ENOX1: variants seen among roughly 807,000 people sequenced by gnomAD.
ENOX1 encodes candidate growth-related and time keeping constitutive hydroquinone (NADH) oxidase.
ENOX1 carries 42 observed loss-of-function variants against 82.5 expected under a neutral mutation model. The ratio of observed to expected loss-of-function variants is 0.51; its 90% CI spans 0.40 to 0.66. The LOEUF is 0.66. ENOX1 is among the 30% of genes least tolerant of loss of function. The pLI is 0.00. For missense variants in ENOX1, 608 were observed against 811.6 expected (o/e 0.75, Z 3.05); for synonymous variants, 271 against 282.2 (o/e 0.96, Z 0.40).
chr13:43,244,282 G>C (rs574252756), intron 14 of ENOX1, among the ~76,000 whole-genome samples: 1 of 151,986 alleles, frequency 6.6e-6, no homozygotes, highest in East Asian at 1.9e-4. Context: ...AAATTTCTAG[G>C]AATAGATTGT....
intron 14 of ENOX1, among the ~76,000 whole-genome samples, chr13:43,245,776 T>C (rs1230014645): frequency 1.3e-5 from 2 of 152,196 alleles, no homozygotes; most frequent in Non-Finnish European, 2.9e-5. Flanking sequence ...TGAAAGCAGA[T>C]GTGTGGGGCT....
At chr13:43,622,184 A>G (rs9567237) in intron 2 of ENOX1, among the ~76,000 whole-genome samples, 110,965 of 152,072 alleles carry the variant, frequency 0.73, 40,660 homozygotes, top group East Asian at 0.95. Flanking sequence ...ATTGGGCTTC[A>G]CCTTTCTCTG....
At chr13:43,371,266 A>C (rs1162036601) in intron 5 of ENOX1, among the ~76,000 whole-genome samples, 4 of 152,226 alleles carry the variant, frequency 2.6e-5, no homozygotes, top group Admixed American at 6.5e-5. Flanking sequence ...ATTTTTGAAC[A>C]TTCAGTCAAG....
chr13:43,380,173 C>A (rs2051933710), intron 5 of ENOX1, among the ~76,000 whole-genome samples: 1 of 151,486 alleles, frequency 6.6e-6, no homozygotes. Context: ...AAAAGGAATT[C>A]CTCTAGGCAG....
rs80241483 is a variant in ENOX1 at position 43,718,986 on chromosome 13, A to T, written c.-284-51442T>A. Among the ~76,000 whole-genome samples, 288 of 152,290 alleles carry T rather than the reference A, an allele frequency of 1.9e-3. 2 individuals are homozygous for T. The highest frequency in any genetic ancestry group is 3.5e-3 in the Non-Finnish European group (237 of 68,026). On this transcript the variant is annotated intron_variant, in intron 1 of 16. Coordinates refer to ENST00000690772, the MANE Select transcript of ENOX1 (RefSeq NM_001347969.2). ...CAAGAAATATTCCATACATAGGAAAAAATTATCGTCATCCTGTAATTTATT... is the reference window on the plus strand; with the variant it reads ...CAAGAAATATTCCATACATAGGAAATAATTATCGTCATCCTGTAATTTATT...
At chr13:43,753,113 A>G (rs7330887) in intron 1 of ENOX1, among the ~76,000 whole-genome samples, 15,592 of 151,554 alleles carry the variant, frequency 0.1, 1,397 homozygotes, top group African/African-American at 0.24. Flanking sequence ...ACCCACCTCA[A>G]CCTCTCAAAC....
At chr13:43,653,102 G>A (rs776258595) in intron 2 of ENOX1, among the ~76,000 whole-genome samples, 1 of 152,216 alleles carries the variant, frequency 6.6e-6, no homozygotes, top group African/African-American at 2.4e-5. Context: ...CGCAGCACAG[G>A]CAGGTCTTCT....
At chr13:43,264,493 CAAT>C (rs777776077) in intron 14 of ENOX1, among the ~76,000 whole-genome samples, 1 of 152,138 alleles carries the variant, frequency 6.6e-6, no homozygotes, top group Non-Finnish European at 1.5e-5. Flanking sequence ...TGGGTAGGAA[CAAT>C]AATGATTAAG....
At chr13:43,353,649 CT>C (rs2049953983) in intron 8 of ENOX1, among the ~76,000 whole-genome samples, 1 of 152,208 alleles carries the variant, frequency 6.6e-6, no homozygotes, top group Admixed American at 6.5e-5. Flanking sequence ...CAATTAAATG[CT>C]GTTTATATTC....
chr13:43,257,515 G>T (rs1383792941), intron 14 of ENOX1, among the ~76,000 whole-genome samples: 1 of 152,128 alleles, frequency 6.6e-6, no homozygotes, highest in Non-Finnish European at 1.5e-5. Flanking sequence ...TTGTCCATAT[G>T]ATATGCTATA....
At chr13:43,619,830 T>A (rs2153745256) in intron 2 of ENOX1, among the ~76,000 whole-genome samples, 1 of 152,234 alleles carries the variant, frequency 6.6e-6, no homozygotes, top group South Asian at 2.1e-4. Context: ...GGATTGGGTA[T>A]CAATTCTTCT....
At chr13:43,294,934 G>A (rs756199208) in intron 12 of ENOX1, among the ~76,000 whole-genome samples, 1 of 152,182 alleles carries the variant, frequency 6.6e-6, no homozygotes, top group Non-Finnish European at 1.5e-5. Context: ...AGCTATAAGG[G>A]TAGAAAACAG....
chr13:43,772,200 T>C (rs1434656011), intron 1 of ENOX1, among the ~76,000 whole-genome samples: 1 of 152,158 alleles, frequency 6.6e-6, no homozygotes, highest in Non-Finnish European at 1.5e-5. Flanking sequence ...ACTACTTACA[T>C]GGTATTTCAT....
At chr13:43,378,125 A>C (rs1011914842) in intron 5 of ENOX1, among the ~76,000 whole-genome samples, 1 of 152,200 alleles carries the variant, frequency 6.6e-6, no homozygotes, top group Non-Finnish European at 1.5e-5. Flanking sequence ...AAGTATATGA[A>C]ACATGGTTTT....
intron 2 of ENOX1, among the ~76,000 whole-genome samples, chr13:43,659,003 A>T (rs909782001): frequency 1.3e-5 from 2 of 151,954 alleles, no homozygotes; most frequent in African/African-American, 4.8e-5. Flanking sequence ...CTGGTGTACT[A>T]TTTTTGGATG....
intron 13 of ENOX1, among the ~76,000 whole-genome samples, chr13:43,267,592 T>A (rs2044455293): frequency 6.6e-6 from 1 of 152,212 alleles, no homozygotes; most frequent in African/African-American, 2.4e-5. Context: ...TGTTTACGCA[T>A]AGAGTTACTC....
chr13:43,302,544 AC>A (rs1457880980), intron 11 of ENOX1, among the ~76,000 whole-genome samples: 2 of 152,242 alleles, frequency 1.3e-5, no homozygotes, highest in African/African-American at 4.8e-5. Context: ...AGATTGTTAT[AC>A]TTCAAAACTT....
chr13:43,722,419 T>C (rs2088640161), intron 1 of ENOX1, among the ~76,000 whole-genome samples: 1 of 152,140 alleles, frequency 6.6e-6, no homozygotes, highest in Admixed American at 6.5e-5. Context: ...GGAAGAAATG[T>C]ATAATAAGGC....
chr13:43,360,414 C>T (rs1594136267), intron 6 of ENOX1, among the ~76,000 whole-genome samples: 1 of 152,188 alleles, frequency 6.6e-6, no homozygotes, highest in East Asian at 1.9e-4. Context: ...TGATGAAAAA[C>T]CTCAGCGTGT....
Sources: allele counts gnomAD v4.1 joint callset (sites outside exome capture counted in the v4.1 genomes callset), GRCh38; gene constraint gnomAD v4.1.1; transcripts MANE v1.5; gene names NCBI Gene and HGNC (gene_info 2026-07-23, HGNC 2026-07-21).